Variants in GABBR2 observed in about 807,000 individuals in gnomAD.
GABBR2 encodes G-protein coupled receptor 51.
A neutral mutation model predicts 105.6 loss-of-function variants in GABBR2; 23 were observed. The ratio of observed to expected loss-of-function variants is 0.22; its 90% CI spans 0.16 to 0.31. The LOEUF is 0.31. GABBR2 is among the 10% of genes least tolerant of loss of function. The probability of loss-of-function intolerance (pLI) is 1.00; values close to 1 mark genes in which losing one functional copy is unlikely to be tolerated. For missense variants in GABBR2, 734 were observed against 1,245.5 expected, an observed-to-expected ratio of 0.59 and a Z score of 6.18; for synonymous variants, 478 against 499.7, an observed-to-expected ratio of 0.96 and a Z score of 0.58.
intron 13 of GABBR2, among the ~76,000 whole-genome samples, chr9:98,342,579 C>T (rs1831232492): frequency 6.6e-6 from 1 of 152,182 alleles, no homozygotes; most frequent in Non-Finnish European, 1.5e-5. Flanking sequence ...AACCAACGGC[C>T]CCTGTGGAGT....
chr9:98,323,617 G>A (rs1216877254), intron 13 of GABBR2, among the ~76,000 whole-genome samples: 1 of 152,218 alleles, frequency 6.6e-6, no homozygotes, highest in Non-Finnish European at 1.5e-5. Flanking sequence ...TGCCCAAGCT[G>A]TCCAGCTCCA....
intron 13 of GABBR2, among the ~76,000 whole-genome samples, chr9:98,325,697 C>T (rs893578746): frequency 2.6e-5 from 4 of 152,192 alleles, no homozygotes; most frequent in Admixed American, 2.0e-4. Flanking sequence ...CTTCCCATGC[C>T]TAGCACCCTG....
chr9:98,317,995 A>G (rs1588097585), intron 13 of GABBR2, among the ~76,000 whole-genome samples: 1 of 152,312 alleles, frequency 6.6e-6, no homozygotes, highest in South Asian at 2.1e-4. Context: ...CAGATAAGAA[A>G]TGCCAGCCAT....
intron 9 of GABBR2, 22 bp from the exon 10 acceptor site, chr9:98,389,026 T>C: frequency 6.2e-7 from 1 of 1,603,482 alleles, no homozygotes; most frequent in Non-Finnish European, 8.5e-7. Flanking sequence ...AGAGAAGACA[T>C]CAGTGGGACC....
At chr9:98,394,411 C>A (rs1832250312) in intron 8 of GABBR2, among the ~76,000 whole-genome samples, 156 bp from the exon 9 acceptor site, 1 of 152,234 alleles carries the variant, frequency 6.6e-6, no homozygotes, top group South Asian at 2.1e-4. Flanking sequence ...CACAAAACTT[C>A]TAACCTGATC....
intron 1 of GABBR2, among the ~76,000 whole-genome samples, chr9:98,643,590 C>T (rs1004092958): frequency 3.3e-5 from 5 of 152,192 alleles, no homozygotes; most frequent in African/African-American, 1.2e-4. Flanking sequence ...GCTCCTTGCG[C>T]AGAGGGACGG....
At chr9:98,669,519 T>C (rs748826021) in intron 1 of GABBR2, among the ~76,000 whole-genome samples, 10 of 152,234 alleles carry the variant, frequency 6.6e-5, no homozygotes, top group Admixed American at 2.0e-4. Context: ...AATTATTGTA[T>C]TTATTCAGGC....
At chr9:98,329,183 T>G (rs945753731) in intron 13 of GABBR2, among the ~76,000 whole-genome samples, 20 of 152,198 alleles carry the variant, frequency 1.3e-4, no homozygotes, top group African/African-American at 4.3e-4. Context: ...AGCAAGCTGG[T>G]GTCTCCTCAG....
rs761403592 is a variant in GABBR2, at chr9:98,293,751, C to T, written c.2660+34G>A. 13 of 1,147,756 alleles carry T rather than the reference C, an allele frequency of 1.1e-5. No individual in the cohort carries two copies. The South Asian group carries it at 1.6e-4, about 14-fold the overall frequency. The allele number at this position is 1,147,756 out of a possible 1,614,324, so 71.1% of individuals were successfully genotyped here. ...CTTGTGCAGGAGTGACGTATTTCTT[C>T]TTCAGTTATAATTCTCAAGGAGAAG... is the stretch of plus-strand genomic sequence containing the variant. On this transcript the variant is annotated intron_variant, in intron 18 of 18. Coordinates refer to ENST00000259455, the MANE Select transcript of GABBR2 (RefSeq NM_005458.8).
At chr9:98,451,399 A>G (rs1388289552) in intron 7 of GABBR2, among the ~76,000 whole-genome samples, 1 of 152,230 alleles carries the variant, frequency 6.6e-6, no homozygotes, top group Non-Finnish European at 1.5e-5. Context: ...AGGCTGTGCT[A>G]CAGAAATGGA....
intron 1 of GABBR2, among the ~76,000 whole-genome samples, chr9:98,680,709 A>C (rs1164131795): frequency 6.6e-6 from 1 of 152,228 alleles, no homozygotes; most frequent in Non-Finnish European, 1.5e-5. Flanking sequence ...GAGAAGGTTC[A>C]TCATGGAGGA....
chr9:98,326,987 A>G (rs940174357), intron 13 of GABBR2, among the ~76,000 whole-genome samples: 2 of 152,206 alleles, frequency 1.3e-5, no homozygotes, highest in African/African-American at 4.8e-5. Flanking sequence ...GTGTGATTGG[A>G]AGGCCTCGAT....
intron 13 of GABBR2, among the ~76,000 whole-genome samples, chr9:98,336,382 T>A (rs1831115088): frequency 6.6e-6 from 1 of 152,134 alleles, no homozygotes; most frequent in Non-Finnish European, 1.5e-5. Flanking sequence ...GAATTTTAAG[T>A]GCAAAATAGT....
chr9:98,519,356 A>G (rs1019844787), intron 3 of GABBR2, among the ~76,000 whole-genome samples: 1 of 152,342 alleles, frequency 6.6e-6, no homozygotes, highest in Middle Eastern at 3.4e-3. Context: ...TGCTCCAGTG[A>G]TCAGAGAAGA....
At chr9:98,492,813 C>T (rs1827204698) in intron 4 of GABBR2, among the ~76,000 whole-genome samples, 1 of 152,192 alleles carries the variant, frequency 6.6e-6, no homozygotes, top group Non-Finnish European at 1.5e-5. Context: ...CCCATCATAT[C>T]ATGTCAAGGG....
chr9:98,402,682 C>T (rs1437134211), intron 8 of GABBR2, among the ~76,000 whole-genome samples: 1 of 152,118 alleles, frequency 6.6e-6, no homozygotes, highest in African/African-American at 2.4e-5. Flanking sequence ...ACTGTGGGAG[C>T]TCTGGGAAAA....
At chr9:98,299,450 C>G (rs1830434266) in intron 16 of GABBR2, 97 bp from the exon 17 acceptor site, 6 of 1,367,126 alleles carry the variant, frequency 4.4e-6, no homozygotes, top group Non-Finnish European at 6.2e-6. Context: ...TGGGCCTTTA[C>G]CTGTATTCAG....
At position 98,453,119 on chromosome 9, in the gene GABBR2, C is replaced by T. The variant is rs546191881; in HGVS notation, c.1236+862G>A. 1.4e-4 allele frequency among the ~76,000 whole-genome samples: 21 copies of T among 152,282 alleles called. No individual in the cohort carries two copies. In the South Asian group the frequency reaches 3.9e-3, roughly 29 times the overall value. ...TCAGCTCACTGCAACCTCTGCTTCC[C>T]GGGTTCAAGCGATTCTCCTGCCTCA... On this transcript the variant is annotated intron_variant, in intron 7 of 18. Coordinates refer to ENST00000259455, the MANE Select transcript of GABBR2 (RefSeq NM_005458.8).
intron 13 of GABBR2, among the ~76,000 whole-genome samples, chr9:98,328,195 G>A (rs564381966): frequency 4.6e-5 from 7 of 151,712 alleles, no homozygotes; most frequent in Non-Finnish European, 7.4e-5. Flanking sequence ...TTCAATTCCC[G>A]TGCTTCCTCC....
Sources: allele counts gnomAD v4.1 joint callset (sites outside exome capture counted in the v4.1 genomes callset), GRCh38; gene constraint gnomAD v4.1.1; transcripts MANE v1.5; gene names NCBI Gene and HGNC (gene_info 2026-07-23, HGNC 2026-07-21).